The following MFF variants were observed in gnomAD, a reference collection of about 807,000 sequenced individuals.
MFF encodes mitochondrial fission factor.
Under a neutral mutation model 36.9 loss-of-function variants are expected in MFF, and 12 were observed. The ratio of observed to expected loss-of-function variants is 0.33; its 90% confidence interval spans 0.21 to 0.53. The LOEUF (loss-of-function observed/expected upper bound fraction) is 0.53. MFF is among the 20% of genes least tolerant of loss of function. MFF has a pLI of 0.95. For missense variants in MFF, 348 were observed against 366.6 expected (o/e 0.95, Z 0.42); for synonymous variants, 99 against 126.2 (o/e 0.78, Z 1.44).
intron 5 of MFF, among the ~76,000 whole-genome samples, chr2:227,345,452 C>G (rs2075657821): frequency 6.6e-6 from 1 of 152,194 alleles, no homozygotes; most frequent in Admixed American, 6.5e-5. Flanking sequence ...AATGCAAAGG[C>G]AAAGTACGGA....
chr2:227,325,742 T>C (rs1469372578), intron 1 of MFF: 1 of 152,082 alleles, frequency 6.6e-6, no homozygotes, highest in African/African-American at 2.4e-5. Context: ...GACTGGAAAA[T>C]AGGGGTTTGG....
At chr2:227,347,096 TGTG>T (rs2075752902) in intron 5 of MFF, 127 bp from the exon 6 acceptor site, 3 of 688,322 alleles carry the variant, frequency 4.4e-6, no homozygotes, top group South Asian at 2.1e-5. Flanking sequence ...ACTGTTTTCT[TGTG>T]GGGAGAGTGA....
At chr2:227,330,046 T>C (rs1043871342) in intron 2 of MFF, 1 of 292,396 alleles carries the variant, frequency 3.4e-6, no homozygotes, top group Admixed American at 5.0e-5. Flanking sequence ...TTGGTATTCA[T>C]TGCATCTCAG....
intron 1 of MFF, among the ~76,000 whole-genome samples, chr2:227,327,220 T>C (rs1288834913): frequency 1.3e-5 from 2 of 152,144 alleles, no homozygotes; most frequent in African/African-American, 4.8e-5. Context: ...TACTGGTGTT[T>C]GGGAACCACT....
At chr2:227,342,977 A>C (rs2075485999) in intron 5 of MFF, among the ~76,000 whole-genome samples, 1 of 151,868 alleles carries the variant, frequency 6.6e-6, no homozygotes. Context: ...TCAAACTGTC[A>C]TTATATGCTT....
At chr2:227,342,697 T>C (rs948653842) in intron 5 of MFF, 3 of 1,459,056 alleles carry the variant, frequency 2.1e-6, no homozygotes, top group Non-Finnish European at 2.9e-6. Context: ...GCTTTTTCTT[T>C]GTGTTATAAA....
At position 227,330,347 on chromosome 2, in the gene MFF, GTA is replaced by G. The variant is rs1394791829; in HGVS notation, c.-40-277_-40-276del. On this transcript the variant is annotated intron_variant, in intron 2 of 8. Coordinates refer to ENST00000304593, the MANE Select transcript of MFF (RefSeq NM_001277062.2). ...GCATGTTTACGCAGAGAGTATGTGT[GTA>G]TGTGTGTGTACACATTTGTGTTGTA... 5 of 346,224 alleles carry G rather than the reference GTA, an allele frequency of 1.4e-5. No homozygotes were observed. In the African/African-American group the frequency reaches 1.5e-4, roughly 10 times the overall value. The allele number at this position is 346,224 out of a possible 1,614,324, so 21.4% of individuals were successfully genotyped here. A position where few individuals can be genotyped will look rare whatever the true frequency, so the allele number is the denominator to read the frequency against.
intron 4 of MFF, among the ~76,000 whole-genome samples, chr2:227,334,714 G>C (rs545791990): frequency 6.6e-6 from 1 of 152,254 alleles, no homozygotes; most frequent in Admixed American, 6.5e-5. Context: ...TGCAACATTT[G>C]TGATCTCTAT....
At chr2:227,346,366 A>T (rs1215376210) in intron 5 of MFF, 1 of 166,852 alleles carries the variant, frequency 6.0e-6, no homozygotes, top group African/African-American at 2.4e-5. Context: ...AATGTTAAAC[A>T]GCTCCCTGAA....
At chr2:227,353,714 T>A (rs1012911093) in intron 7 of MFF, among the ~76,000 whole-genome samples, 1 of 152,234 alleles carries the variant, frequency 6.6e-6, no homozygotes, top group Non-Finnish European at 1.5e-5. Context: ...TAAATTGAAG[T>A]ATATAGGTAA....
intron 6 of MFF, among the ~76,000 whole-genome samples, chr2:227,351,473 T>A (rs1309537740): frequency 1.3e-5 from 2 of 152,030 alleles, no homozygotes; most frequent in Non-Finnish European, 2.9e-5. Context: ...TATTAAACAT[T>A]TACCATTATA....
At chr2:227,347,865 T>C (rs182647724) in intron 6 of MFF, among the ~76,000 whole-genome samples, 72 of 152,382 alleles carry the variant, frequency 4.7e-4, no homozygotes, top group African/African-American at 1.7e-3. Context: ...CTAGGCTTGT[T>C]TTGAAAATTC....
Position 227,355,677 on chromosome 2 carries a change from G to C in MFF, c.660G>C (p.Arg220Ser). The C allele has an allele frequency of 1.3e-6, 2 of 1,588,664 alleles. No homozygotes were observed. The highest frequency in any genetic ancestry group is 1.7e-6 in the Non-Finnish European group (2 of 1,157,040). The change falls in exon 8 of 9, where the codon AGG (arginine) becomes AGC (serine). Residue 220 changes from arginine to serine, a missense_variant and splice_region_variant. Coordinates refer to ENST00000304593, the MANE Select transcript of MFF (RefSeq NM_001277062.2). ...ATSNPHHDNV[R>S]YGISNIDTTI... ...TTGTATTTCTATCTCTTATCTGCAG[G>C]TATGGCATTTCAAATATAGATACAA... is the stretch of plus-strand genomic sequence containing the variant.
intron 5 of MFF, chr2:227,342,606 T>C: frequency 1.6e-6 from 1 of 619,858 alleles, no homozygotes; most frequent in Non-Finnish European, 2.8e-6. Context: ...GCCTTTGTTT[T>C]CTTAATTACT....
chr2:227,345,496 G>C (rs2075659680), intron 5 of MFF, among the ~76,000 whole-genome samples: 1 of 152,186 alleles, frequency 6.6e-6, no homozygotes, highest in Admixed American at 6.5e-5. Context: ...GTGAATTTAG[G>C]CAGTTAACGC....
At chr2:227,349,729 A>G (rs1482662571) in intron 6 of MFF, among the ~76,000 whole-genome samples, 1 of 152,176 alleles carries the variant, frequency 6.6e-6, no homozygotes, top group Non-Finnish European at 1.5e-5. Context: ...CTTTTCAGAT[A>G]TAAGAAATAG....
chr2:227,342,223 A>G (rs994425827), intron 5 of MFF, among the ~76,000 whole-genome samples: 2 of 152,020 alleles, frequency 1.3e-5, no homozygotes, highest in Non-Finnish European at 2.9e-5. Context: ...CATATTTTTC[A>G]TTATGGTTGT....
At chr2:227,347,594 G>A (rs2075780644) in intron 6 of MFF, among the ~76,000 whole-genome samples, 1 of 152,190 alleles carries the variant, frequency 6.6e-6, no homozygotes, top group Admixed American at 6.5e-5. Context: ...CCTTCTGTCA[G>A]GGAGAGTATA....
At chr2:227,346,573 C>T (rs2075725235) in intron 5 of MFF, among the ~76,000 whole-genome samples, 1 of 152,138 alleles carries the variant, frequency 6.6e-6, no homozygotes, top group African/African-American at 2.4e-5. Flanking sequence ...TCCTTGCCTT[C>T]TTTTGCTGTA....
Sources: allele counts gnomAD v4.1 joint callset (sites outside exome capture counted in the v4.1 genomes callset), GRCh38; gene constraint gnomAD v4.1.1; transcripts MANE v1.5; gene names NCBI Gene and HGNC (gene_info 2026-07-23, HGNC 2026-07-21).